Variants in XDH observed in about 807,000 individuals in gnomAD.
XDH encodes the protein xanthine dehydrogenase.
XDH carries 138 observed loss-of-function variants against 156.1 expected under a neutral mutation model. That is an observed-to-expected ratio of 0.88 (90% CI 0.77 to 1.02). XDH has a LOEUF of 1.02. Ranked by LOEUF, XDH falls within the 50% of genes least tolerant of loss-of-function variation. XDH has a pLI of 0.00. For synonymous variants in XDH, 669 were observed against 625.7 expected (o/e 1.07, Z -1.03); for missense variants, 1,849 against 1,684.9 (o/e 1.10, Z -1.71).
At chr2:31,374,994 CCTTT>C (rs71405566) in intron 15 of XDH, among the ~76,000 whole-genome samples, 4,132 of 133,750 alleles carry the variant, frequency 0.031, 147 homozygotes, top group Middle Eastern at 0.054. Flanking sequence ...TTCTTTTTTT[CCTTT>C]CTTTCTTTCT....
At chr2:31,366,819 G>A (rs1312292986) in intron 21 of XDH, 51 bp downstream of exon 21, 1 of 1,612,484 alleles carries the variant, frequency 6.2e-7, no homozygotes, top group East Asian at 2.2e-5. Flanking sequence ...GGTCTGCTAG[G>A]AGCTCCCCGC....
intron 31 of XDH, among the ~76,000 whole-genome samples, chr2:31,343,354 T>C: frequency 9.9e-6 from 1 of 101,054 alleles, no homozygotes; most frequent in East Asian, 2.8e-4. Flanking sequence ...ATATGCCTTA[T>C]ACATATATAT....
chr2:31,381,741 G>C lies in XDH; in HGVS notation c.1039-15C>G, dbSNP rs766239730. The stretch of plus-strand genomic sequence containing the variant: ...CCTCCAACGGACTAAAACAAGCAGA[G>C]AGCATGCAGTGAGAGCCCACCCCAG... On this transcript the variant is annotated splice_polypyrimidine_tract_variant and intron_variant, in intron 11 of 35. Coordinates refer to ENST00000379416, the MANE Select transcript of XDH (RefSeq NM_000379.4). 9 of 1,608,630 alleles carry C rather than the reference G, an allele frequency of 5.6e-6. No homozygotes were observed. Among genetic ancestry groups the C allele is most frequent in the Non-Finnish European group, 1.7e-6 (2 of 1,177,280 alleles).
chr2:31,380,036 G>C, intron 12 of XDH, 60 bp from the exon 13 acceptor site: 1 of 1,520,880 alleles, frequency 6.6e-7, no homozygotes, highest in South Asian at 1.1e-5. Flanking sequence ...ACCCCCCATG[G>C]GGAGAAAGGA....
intron 1 of XDH, among the ~76,000 whole-genome samples, chr2:31,412,271 A>G (rs919728108): frequency 7.2e-5 from 11 of 152,216 alleles, no homozygotes; most frequent in African/African-American, 2.7e-4. Flanking sequence ...ACCACCACAG[A>G]AGGCCCTAGA....
intron 10 of XDH, 60 bp from the exon 11 acceptor site, chr2:31,383,212 G>T: frequency 6.2e-7 from 1 of 1,612,166 alleles, no homozygotes; most frequent in African/African-American, 1.3e-5. Flanking sequence ...AGGCTTTCAT[G>T]CACAGCTCCT....
At chr2:31,389,587 C>T (rs1160462157) in intron 6 of XDH, 1 of 152,198 alleles carries the variant, frequency 6.6e-6, no homozygotes, top group Non-Finnish European at 1.5e-5. Context: ...AGTCCTGCAT[C>T]CCACTCACCT....
At chr2:31,375,353 G>C (rs751391166) in intron 15 of XDH, 27 bp downstream of exon 15, 3 of 1,613,960 alleles carry the variant, frequency 1.9e-6, no homozygotes, top group East Asian at 4.5e-5. Flanking sequence ...GCTACAGAGA[G>C]CCTGTGCCTG....
In XDH at chr2:31,366,040, C is replaced by T. The variant is rs759842584; in HGVS notation, c.2392G>A (p.Gly798Ser). ...CTCCGGGTCTCCTTGCCTCCAAAGC[C>T]TCCTCCCATTCTCTTCACTCGAACC... ...IVVRVKRMGG[G>S]FGGKETRSTV... is the part of the protein sequence containing the mutation. The change falls in exon 22 of 36, where the codon GGC becomes AGC. Residue 798 changes from glycine (G) to serine (S), a missense_variant. By Grantham distance (56) the Gly-to-Ser change is moderately conservative. Coordinates refer to ENST00000379416, the MANE Select transcript of XDH (RefSeq NM_000379.4). 6.2e-7 allele frequency: 1 copy of T among 1,614,222 alleles called. No individual in the cohort carries two copies. The highest frequency in any genetic ancestry group is 1.7e-5 in the Admixed American group (1 of 60,016).
chr2:31,377,856 C>CAA (rs774031982), intron 13 of XDH, among the ~76,000 whole-genome samples: 8 of 119,126 alleles, frequency 6.7e-5, no homozygotes, highest in East Asian at 2.4e-4. Flanking sequence ...CCTATCTCTA[C>CAA]AAAAAAAAAA....
intron 24 of XDH, among the ~76,000 whole-genome samples, chr2:31,358,045 T>C (rs1037197018): frequency 9.9e-5 from 15 of 152,024 alleles, no homozygotes; most frequent in Non-Finnish European, 2.2e-4. Flanking sequence ...GACAGAAAGT[T>C]AACAAGGATA....
chr2:31,345,563 T>C (rs373382513), intron 30 of XDH, among the ~76,000 whole-genome samples: 1 of 152,210 alleles, frequency 6.6e-6, no homozygotes, highest in Non-Finnish European at 1.5e-5. Flanking sequence ...ATCTTACTTA[T>C]ACTCACAACC....
intron 1 of XDH, among the ~76,000 whole-genome samples, chr2:31,412,449 A>C (rs1687366694): frequency 6.7e-6 from 1 of 149,106 alleles, no homozygotes; most frequent in African/African-American, 2.5e-5. Flanking sequence ...ACTTGGACAC[A>C]GGAAGGGGAA....
In XDH at chr2:31,414,717, C is replaced by A. The variant is rs758127603; in HGVS notation, c.-51G>T. On this transcript the variant is annotated 5_prime_UTR_variant, in exon 1 of 36. Coordinates refer to ENST00000379416, the MANE Select transcript of XDH (RefSeq NM_000379.4). Reference sequence around the variant, plus strand: ...CCAGGTACCTCACTCCTAAGAGACACTGGCAGGTAGTTATCACTGCTCTGT... The same window carrying A: ...CCAGGTACCTCACTCCTAAGAGACAATGGCAGGTAGTTATCACTGCTCTGT... The A allele has an allele frequency of 4.3e-6, 7 of 1,609,982 alleles. No homozygotes were observed. The highest frequency in any genetic ancestry group is 6.0e-6 in the Non-Finnish European group (7 of 1,176,208).
Position 31,411,816 on chromosome 2 carries a change from C to T in XDH, c.42+2809G>A, listed in dbSNP as rs1687350545. Among the ~76,000 whole-genome samples the T allele has an allele frequency of 5.3e-5, 8 of 152,356 alleles. No individual in the cohort carries two copies. In the South Asian group the frequency reaches 1.7e-3, roughly 32 times the overall value. On this transcript the variant is annotated intron_variant, in intron 1 of 35. Transcript: ENST00000379416. ...CTTTGTCTAATTATAATCCATCTCT[C>T]TAACTAGTATATGGGCTCCAGAATG...
At chr2:31,406,458 G>T (rs146893675) in intron 1 of XDH, among the ~76,000 whole-genome samples, 1 of 152,270 alleles carries the variant, frequency 6.6e-6, no homozygotes, top group African/African-American at 2.4e-5. Context: ...TTATAGCAAT[G>T]CATGAATGGC....
intron 9 of XDH, among the ~76,000 whole-genome samples, chr2:31,385,610 A>C (rs1404950655): frequency 6.6e-6 from 1 of 152,196 alleles, no homozygotes; most frequent in Non-Finnish European, 1.5e-5. Context: ...GGATCCAGCA[A>C]AGTAGAAATA....
In XDH at chr2:31,368,068, C is replaced by A. The variant is rs1685970582; in HGVS notation, c.2101-11G>T. ...GTTCTTTATAGCATCCTGAGGATCACAAAGAAGTTTCAGAAATGTGGCTTT... is the reference window on the plus strand; with the variant it reads ...GTTCTTTATAGCATCCTGAGGATCAAAAAGAAGTTTCAGAAATGTGGCTTT... On this transcript the variant is annotated splice_polypyrimidine_tract_variant and intron_variant, in intron 19 of 35. Transcript: ENST00000379416. 1 of 1,613,312 alleles carries A rather than the reference C, an allele frequency of 6.2e-7. No individual in the cohort carries two copies. The highest frequency in any genetic ancestry group is 1.3e-5 in the African/African-American group (1 of 74,886).
Position 31,372,245 on chromosome 2 carries a change from C to G in XDH, c.1839G>C (p.Arg613=), listed in dbSNP as rs1686092406. The G allele has an allele frequency of 1.4e-5, 23 of 1,614,058 alleles. No individual in the cohort carries two copies. Among genetic ancestry groups the G allele is most frequent in the Non-Finnish European group, 1.9e-5 (22 of 1,180,024 alleles). Residue 613 remains arginine (R), a synonymous_variant, in exon 17 of 36, where the codon CGG becomes CGC. Transcript: ENST00000379416. ...TCACTCACTTGATCTTGGCGTGGGC[C>G]CGGGTGCTGGTGACCAGCCGGAGAG... ...ELSLRLVTST[R]AHAKIKSIDT...
Sources: gnomAD v4.1 joint callset for allele counts (sites outside exome capture counted in the v4.1 genomes callset) on GRCh38, gnomAD v4.1.1 for gene constraint, MANE v1.5 for transcripts, NCBI Gene and HGNC (gene_info 2026-07-23, HGNC 2026-07-21) for gene names.